GALNT13: variants seen among roughly 807,000 people sequenced by gnomAD.
GALNT13 encodes UDP-GalNAc:polypeptide N-acetylgalactosaminyltransferase 13.
Under a neutral mutation model 64.2 loss-of-function variants are expected in GALNT13, and 28 were observed. The ratio of observed to expected loss-of-function variants is 0.44; its 90% CI spans 0.32 to 0.60. The LOEUF (loss-of-function observed/expected upper bound fraction) is 0.60. Ranked by LOEUF, GALNT13 falls within the 20% of genes least tolerant of loss-of-function variation. The pLI, the probability that GALNT13 is intolerant of heterozygous loss-of-function variation, is 0.05. For missense variants in GALNT13, 577 were observed against 669.8 expected, an observed-to-expected ratio of 0.86 and a Z score of 1.53; for synonymous variants, 214 against 224.6, an observed-to-expected ratio of 0.95 and a Z score of 0.42.
intron 9 of GALNT13, among the ~76,000 whole-genome samples, chr2:154,323,389 A>G (rs138986503): frequency 6.6e-6 from 1 of 152,178 alleles, no homozygotes. Context: ...TTGAGTTCTC[A>G]GTTTATTGCA....
intron 11 of GALNT13, among the ~76,000 whole-genome samples, chr2:154,433,645 G>A (rs1395563216): frequency 6.6e-6 from 1 of 151,884 alleles, no homozygotes; most frequent in Non-Finnish European, 1.5e-5. Context: ...TGTGAAGAAG[G>A]GGGAATTATT....
chr2:153,107,303 G>C, the GALNT13 span, among the ~76,000 whole-genome samples: 1 of 152,156 alleles, frequency 6.6e-6, no homozygotes, highest in Non-Finnish European at 1.5e-5. Flanking sequence ...GTCCCATCCA[G>C]ATCTGCATGA....
At chr2:154,193,036 C>T (rs1371238362) in intron 4 of GALNT13, among the ~76,000 whole-genome samples, 1 of 152,032 alleles carries the variant, frequency 6.6e-6, no homozygotes, top group African/African-American at 2.4e-5. Flanking sequence ...TAAATTAAAA[C>T]ATTTTGACTA....
the GALNT13 span, among the ~76,000 whole-genome samples, chr2:153,746,118 A>G: frequency 1.2e-4 from 19 of 152,310 alleles, no homozygotes; most frequent in African/African-American, 4.6e-4. Context: ...TATAAATGAC[A>G]TTTTCTGCTC....
At chr2:153,675,833 A>G in the GALNT13 span, among the ~76,000 whole-genome samples, 2 of 152,162 alleles carry the variant, frequency 1.3e-5, no homozygotes, top group Non-Finnish European at 2.9e-5. Flanking sequence ...CAAAGATACA[A>G]CTTACCAAAA....
the GALNT13 span, among the ~76,000 whole-genome samples, chr2:153,676,302 A>T: frequency 6.6e-6 from 1 of 152,154 alleles, no homozygotes; most frequent in Admixed American, 6.6e-5. Flanking sequence ...CAACCTCCCA[A>T]GATTGAACCA....
At chr2:153,403,794 C>T in the GALNT13 span, among the ~76,000 whole-genome samples, 7 of 152,154 alleles carry the variant, frequency 4.6e-5, no homozygotes, top group Non-Finnish European at 1.0e-4. Flanking sequence ...GGCTCGTGCA[C>T]GGTGTGCTCA....
At chr2:153,464,362 C>T in the GALNT13 span, among the ~76,000 whole-genome samples, 4 of 152,186 alleles carry the variant, frequency 2.6e-5, no homozygotes, top group Admixed American at 6.5e-5. Flanking sequence ...AAGCATTTCT[C>T]TCTCTGATCA....
intron 11 of GALNT13, 105 bp from the exon 12 acceptor site, chr2:154,438,487 T>C: frequency 1.3e-6 from 1 of 766,186 alleles, no homozygotes. Flanking sequence ...AGCAATCGTT[T>C]GAAAACACAA....
chr2:153,185,131 A>G, the GALNT13 span, among the ~76,000 whole-genome samples: 1 of 152,260 alleles, frequency 6.6e-6, no homozygotes, highest in East Asian at 1.9e-4. Flanking sequence ...TACTGCCTCA[A>G]TTTCAGAACT....
At chr2:153,472,068 C>T in the GALNT13 span, among the ~76,000 whole-genome samples, 1 of 152,130 alleles carries the variant, frequency 6.6e-6, no homozygotes, top group East Asian at 1.9e-4. Context: ...TGATCCTGCT[C>T]AATTTATAGG....
In GALNT13 at chr2:153,946,514, C is replaced by G. The variant is rs146872620; in HGVS notation, c.142+1875C>G. Among the ~76,000 whole-genome samples the G allele has an allele frequency of 5.4e-3, 819 of 152,126 alleles. 5 individuals carry two copies. Among genetic ancestry groups the G allele is most frequent in the African/African-American group, 0.018 (752 of 41,514 alleles). ...CATTTATTTCTTACAATTTTGGAGG[C>G]TGGGGATTCCAAGATGAAGGTGCTA... On this transcript the variant is annotated intron_variant, in intron 3 of 12. Coordinates refer to ENST00000392825, the MANE Select transcript of GALNT13 (RefSeq NM_052917.4).
At chr2:153,859,116 T>C in the GALNT13 span, among the ~76,000 whole-genome samples, 1 of 152,326 alleles carries the variant, frequency 6.6e-6, no homozygotes, top group East Asian at 1.9e-4. Context: ...ACTTCTTCCC[T>C]GGGAAGAGGG....
chr2:154,028,580 G>C (rs1698135779), intron 3 of GALNT13, among the ~76,000 whole-genome samples: 1 of 152,050 alleles, frequency 6.6e-6, no homozygotes, highest in Non-Finnish European at 1.5e-5. Context: ...TAAGTTTTCT[G>C]TGATTATTTT....
At chr2:154,127,006 A>G (rs1682321660) in intron 3 of GALNT13, among the ~76,000 whole-genome samples, 1 of 152,238 alleles carries the variant, frequency 6.6e-6, no homozygotes, top group Admixed American at 6.5e-5. Context: ...CTTAAAGGTC[A>G]TTTCTAAAAG....
At chr2:153,126,072 G>C in the GALNT13 span, among the ~76,000 whole-genome samples, 1 of 151,124 alleles carries the variant, frequency 6.6e-6, no homozygotes, top group Non-Finnish European at 1.5e-5. Flanking sequence ...TTAAATTTAT[G>C]GATTAAATAA....
the GALNT13 span, among the ~76,000 whole-genome samples, chr2:153,315,168 CACA>C: frequency 6.6e-6 from 1 of 152,128 alleles, no homozygotes; most frequent in African/African-American, 2.4e-5. Context: ...ATTAAGAAGA[CACA>C]ACAACCTTTT....
chr2:154,133,534 T>TTTTATATA (rs1238613797), intron 3 of GALNT13, among the ~76,000 whole-genome samples: 3 of 77,324 alleles, frequency 3.9e-5, no homozygotes, highest in Admixed American at 1.6e-4. Context: ...ACAGACCATT[T>TTTTATATA]TATATATATA....
At chr2:153,132,844 C>T in the GALNT13 span, among the ~76,000 whole-genome samples, 2 of 152,016 alleles carry the variant, frequency 1.3e-5, no homozygotes, top group African/African-American at 4.8e-5. Flanking sequence ...CCTCAGCCTC[C>T]CTAGTAGCAG....
Sources: allele counts gnomAD v4.1 joint callset (sites outside exome capture counted in the v4.1 genomes callset), GRCh38; gene constraint gnomAD v4.1.1; transcripts MANE v1.5; gene names NCBI Gene and HGNC (gene_info 2026-07-23, HGNC 2026-07-21).